Variants in ATP2A2 observed in about 807,000 individuals in gnomAD.
ATP2A2 encodes the protein sarcoplasmic/endoplasmic reticulum calcium ATPase 2.
A neutral mutation model predicts 109.3 loss-of-function variants in ATP2A2; 14 were observed. That is an observed-to-expected ratio of 0.13 (90% CI 0.08 to 0.20). The LOEUF (loss-of-function observed/expected upper bound fraction) is 0.20, where lower values mean the gene tolerates loss of function less well. ATP2A2 is among the 10% of genes least tolerant of loss of function. The pLI, the probability that ATP2A2 is intolerant of heterozygous loss-of-function variation, is 1.00. For missense variants in ATP2A2, 657 were observed against 1,321.6 expected (o/e 0.50, Z 7.80); for synonymous variants, 506 against 490.9 (o/e 1.03, Z -0.41).
At chr12:110,294,159 T>C (rs1873704878) in intron 4 of ATP2A2, among the ~76,000 whole-genome samples, 1 of 151,970 alleles carries the variant, frequency 6.6e-6, no homozygotes, top group African/African-American at 2.4e-5. Flanking sequence ...TTCTCCTGTC[T>C]CAGCCTCCCG....
intron 18 of ATP2A2, 62 bp downstream of exon 18, chr12:110,345,444 G>T: frequency 1.9e-6 from 3 of 1,604,182 alleles, no homozygotes; most frequent in Non-Finnish European, 2.6e-6. Flanking sequence ...CCGGGGAATT[G>T]TGTGTAGTCA....
At chr12:110,313,674 T>C (rs1295331948) in intron 5 of ATP2A2, among the ~76,000 whole-genome samples, 1 of 150,348 alleles carries the variant, frequency 6.7e-6, no homozygotes, top group Non-Finnish European at 1.5e-5. Flanking sequence ...GATTTAACTG[T>C]GACCAACTTT....
In ATP2A2 at chr12:110,340,590, GCATTTTTCAAAC is replaced by G; in HGVS notation, c.1762-68_1762-57del. On this transcript the variant is annotated intron_variant, in intron 13 of 19. Coordinates refer to ENST00000539276, the MANE Select transcript of ATP2A2 (RefSeq NM_170665.4). The surrounding 1 kb of genome is among the most constrained non-coding windows in gnomAD (Gnocchi z 6.0). ...GAAACCTGTCTCAATGTTTAACTGG[GCATTTTTCAAAC>G]TAGGGGACAAAAACTAGAACTTGCC... is the stretch of plus-strand genomic sequence containing the variant. 1 of 1,509,260 alleles carries G rather than the reference GCATTTTTCAAAC, an allele frequency of 6.6e-7. No individual in the cohort carries two copies. The highest frequency in any genetic ancestry group is 9.2e-7 in the Non-Finnish European group (1 of 1,091,908). The allele number at this position is 1,509,260 out of a possible 1,614,324, so 93.5% of individuals were successfully genotyped here.
rs1872071230 is a variant in ATP2A2, at chr12:110,281,434, G to A, written c.-356G>A. 6.5e-6 allele frequency: 1 copy of A among 153,206 alleles called. No individual in the cohort carries two copies. Among genetic ancestry groups the A allele is most frequent in the South Asian group, 2.0e-4 (1 of 4,884 alleles). The allele number at this position is 153,206 out of a possible 1,614,324, so 9.5% of individuals were successfully genotyped here. A position where few individuals can be genotyped will look rare whatever the true frequency, so the allele number is the denominator to read the frequency against. On this transcript the variant is annotated 5_prime_UTR_variant, in exon 1 of 20. Coordinates refer to ENST00000539276, the MANE Select transcript of ATP2A2 (RefSeq NM_170665.4). ...TGCCGGGCGCCCCCTCCTCCGGCCC[G>A]GGCGGGGCCTCTGATCGCCTCAAGA...
intron 3 of ATP2A2, among the ~76,000 whole-genome samples, chr12:110,284,364 T>C (rs900889295): frequency 6.6e-5 from 10 of 152,196 alleles, no homozygotes; most frequent in African/African-American, 2.4e-4. Context: ...GATAAGGTCA[T>C]TGGGAACTTC....
chr12:110,310,773 GA>G (rs1171544586), intron 5 of ATP2A2, among the ~76,000 whole-genome samples: 1 of 152,122 alleles, frequency 6.6e-6, no homozygotes, highest in Non-Finnish European at 1.5e-5. Context: ...GGAATAAAAA[GA>G]ATAATTCTTA....
chr12:110,284,325 A>G (rs1872455383), intron 3 of ATP2A2, among the ~76,000 whole-genome samples: 1 of 152,228 alleles, frequency 6.6e-6, no homozygotes, highest in African/African-American at 2.4e-5. Flanking sequence ...TGGGTACATA[A>G]TAGCGTTGGC....
At chr12:110,306,916 GC>G (rs1243302159) in intron 5 of ATP2A2, among the ~76,000 whole-genome samples, 1 of 151,740 alleles carries the variant, frequency 6.6e-6, no homozygotes, top group Non-Finnish European at 1.5e-5. Context: ...TGCCCACCAC[GC>G]CCAACTAATT....
intron 9 of ATP2A2, 133 bp downstream of exon 9, chr12:110,332,818 A>C: frequency 1.1e-6 from 1 of 870,424 alleles, no homozygotes; most frequent in South Asian, 1.4e-5. Context: ...TAAAGTAGTA[A>C]ATGTTTTTAA....
intron 11 of ATP2A2, among the ~76,000 whole-genome samples, chr12:110,337,238 A>C (rs1002537065): frequency 1.3e-5 from 2 of 152,172 alleles, no homozygotes; most frequent in Non-Finnish European, 2.9e-5. Flanking sequence ...TTGAGACAGC[A>C]GGAACCCATG....
Position 110,346,906 on chromosome 12 carries a change from TCACAGTCTAATTTTTATTC to T in ATP2A2, c.*437_*455del, listed in dbSNP as rs1879921450. 9.2e-7 allele frequency: 1 copy of T among 1,090,852 alleles called. No homozygotes were observed. Among genetic ancestry groups the T allele is most frequent in the Non-Finnish European group, 1.1e-6 (1 of 894,438 alleles). The allele number at this position is 1,090,852 out of a possible 1,614,324, so 67.6% of individuals were successfully genotyped here. On this transcript the variant is annotated 3_prime_UTR_variant, in exon 20 of 20. Coordinates refer to ENST00000539276, the MANE Select transcript of ATP2A2 (RefSeq NM_170665.4). ...ATGATGATCCGGATTTAATTTGATA[TCACAGTCTAATTTTTATTC>T]ATAAGCCAATTTTTCTGCACTGAGC...
intron 3 of ATP2A2, among the ~76,000 whole-genome samples, chr12:110,290,952 A>T (rs1326054846): frequency 6.6e-6 from 1 of 151,680 alleles, no homozygotes; most frequent in Non-Finnish European, 1.5e-5. Context: ...TTTGTTGCCC[A>T]GGCTGGAGTG....
chr12:110,320,324 G>C (rs1877104152), intron 5 of ATP2A2, among the ~76,000 whole-genome samples: 2 of 152,302 alleles, frequency 1.3e-5, no homozygotes, highest in East Asian at 3.9e-4. Context: ...GTAAAATAGT[G>C]CTTATAGATT....
Position 110,288,101 on chromosome 12 carries a change from C to CTTTT in ATP2A2, c.220-3898_220-3895dup, listed in dbSNP as rs71083111. On this transcript the variant is annotated intron_variant, in intron 3 of 19. Transcript: ENST00000539276. ...TAGGTGTGAGCCATCATGCTTTGCC[C>CTTTT]TTTTTTTTTTTTTTTTTTTTTTTTG... 5.7e-3 allele frequency among the ~76,000 whole-genome samples: 500 copies of CTTTT among 87,298 alleles called. 26 individuals are homozygous for CTTTT. Among genetic ancestry groups the CTTTT allele is most frequent in the African/African-American group, 0.023 (437 of 18,832 alleles). 57.3% of individuals were successfully genotyped at this position (87,298 alleles called of 152,430 possible).
chr12:110,305,623 T>C (rs1369433120), intron 5 of ATP2A2, among the ~76,000 whole-genome samples: 1 of 152,262 alleles, frequency 6.6e-6, no homozygotes, highest in East Asian at 1.9e-4. Context: ...GTCAGTACCA[T>C]ACTGTCTTGA....
Position 110,281,739 on chromosome 12 carries a change from G to A in ATP2A2, c.-51G>A. ...GCCCGCGGCCGGAGTGCGAGGCGGA[G>A]GCGAGGAGGCCGCGGGGACGGGAGG... is the stretch of plus-strand genomic sequence containing the variant. On this transcript the variant is annotated 5_prime_UTR_variant, in exon 1 of 20. Coordinates refer to ENST00000539276, the MANE Select transcript of ATP2A2 (RefSeq NM_170665.4). 7.3e-7 allele frequency: 1 copy of A among 1,363,742 alleles called. No homozygotes were observed. The highest frequency in any genetic ancestry group is 9.8e-7 in the Non-Finnish European group (1 of 1,024,590). The allele number at this position is 1,363,742 out of a possible 1,614,324, so 84.5% of individuals were successfully genotyped here.
Position 110,339,729 on chromosome 12 carries a change from A to G in ATP2A2, c.1761+8A>G. The G allele has an allele frequency of 6.2e-7, 1 of 1,613,342 alleles. No individual in the cohort carries two copies. Among genetic ancestry groups the G allele is most frequent in the Non-Finnish European group, 8.5e-7 (1 of 1,179,700 alleles). On this transcript the variant is annotated splice_region_variant and intron_variant, in intron 13 of 19. Coordinates refer to ENST00000539276, the MANE Select transcript of ATP2A2 (RefSeq NM_170665.4). The surrounding 1 kb of genome is among the most constrained non-coding windows in gnomAD (Gnocchi z 4.4). Reference sequence around the variant, plus strand: ...AACTTTATTAAATATGAGGTTAGCTAATGAAAAGTTTCTTTGTCCACACCC... The same window carrying G: ...AACTTTATTAAATATGAGGTTAGCTGATGAAAAGTTTCTTTGTCCACACCC...
In ATP2A2 at chr12:110,349,159, T is replaced by C; in HGVS notation, c.*2689T>C. ...GTTTTGAGCAGGGCCACTTGCTCCATTTCACTGAAGGCTTTGCTGGGTGAA... is the reference window on the plus strand; with the variant it reads ...GTTTTGAGCAGGGCCACTTGCTCCACTTCACTGAAGGCTTTGCTGGGTGAA... On this transcript the variant is annotated 3_prime_UTR_variant, in exon 20 of 20. Transcript: ENST00000539276. The C allele has an allele frequency of 2.0e-6, 2 of 985,480 alleles. No individual in the cohort carries two copies. Among genetic ancestry groups the C allele is most frequent in the Non-Finnish European group, 2.4e-6 (2 of 829,992 alleles). The allele number at this position is 985,480 out of a possible 1,614,324, so 61.0% of individuals were successfully genotyped here. A position where few individuals can be genotyped will look rare whatever the true frequency, so the allele number is the denominator to read the frequency against.
In ATP2A2 at chr12:110,346,958, T is replaced by C; in HGVS notation, c.*488T>C. 2 of 1,099,202 alleles carry C rather than the reference T, an allele frequency of 1.8e-6. No individual in the cohort carries two copies. The highest frequency in any genetic ancestry group is 4.9e-5 in the South Asian group (2 of 40,854). 68.1% of individuals were successfully genotyped at this position (1,099,202 alleles called of 1,614,324 possible). Reference sequence around the variant, plus strand: ...AATTTTTCTGCACTGAGCAGAGTCTTGCTACCTCAGTCAGTATTGTTTTGG... The same window carrying C: ...AATTTTTCTGCACTGAGCAGAGTCTCGCTACCTCAGTCAGTATTGTTTTGG... On this transcript the variant is annotated 3_prime_UTR_variant, in exon 20 of 20. Coordinates refer to ENST00000539276, the MANE Select transcript of ATP2A2 (RefSeq NM_170665.4).
Sources: gnomAD v4.1 joint callset for allele counts (sites outside exome capture counted in the v4.1 genomes callset) on GRCh38, gnomAD v4.1.1 for gene constraint, Gnocchi (gnomAD v3.1) non-coding constraint, MANE v1.5 for transcripts, NCBI Gene and HGNC (gene_info 2026-07-23, HGNC 2026-07-21) for gene names.